Variants in CNOT4 observed in about 807,000 individuals in gnomAD.
CNOT4 encodes the protein CCR4-NOT transcription complex subunit 4.
In CNOT4, 8 loss-of-function variants were observed where a neutral mutation model predicts 73.8. That is an observed-to-expected ratio of 0.11 (90% CI 0.06 to 0.20). The LOEUF is 0.20. Ranked by LOEUF, CNOT4 falls within the 10% of genes least tolerant of loss-of-function variation. CNOT4 has a pLI of 1.00. For missense variants in CNOT4, 564 were observed against 883.4 expected (o/e 0.64, Z 4.58); for synonymous variants, 293 against 321.1 (o/e 0.91, Z 0.94).
chr7:135,378,993 A>AC (rs1428826220), intron 10 of CNOT4, among the ~76,000 whole-genome samples: 4 of 151,748 alleles, frequency 2.6e-5, no homozygotes, highest in Non-Finnish European at 5.9e-5. Context: ...TCAAAAAAAA[A>AC]AAAAAAAAGG....
chr7:135,398,172 C>T lies in CNOT4; in HGVS notation c.876G>A (p.Gln292=). ...SLSIGNGDNS[Q]QISNSDTPSP... The stretch of plus-strand genomic sequence containing the variant: ...TGATACTGTATTCAAATCTTACCTG[C>T]TGGGAATTATCACCGTTCCCTATAC... Residue 292 remains glutamine (Q), a synonymous_variant, in exon 8 of 12, where the codon CAG becomes CAA. Transcript: ENST00000541284. 1 of 1,521,036 alleles carries T rather than the reference C, an allele frequency of 6.6e-7. No individual in the cohort carries two copies. The highest frequency in any genetic ancestry group is 9.1e-7 in the Non-Finnish European group (1 of 1,096,326). 94.2% of individuals were successfully genotyped at this position (1,521,036 alleles called of 1,614,324 possible).
chr7:135,504,687 C>G (rs1364420632), intron 1 of CNOT4, among the ~76,000 whole-genome samples: 1 of 119,902 alleles, frequency 8.3e-6, no homozygotes, highest in Non-Finnish European at 1.7e-5. Flanking sequence ...GGGGTTTCAC[C>G]GTTTTAGCCG....
chr7:135,463,622 G>A (rs113176918), intron 1 of CNOT4, among the ~76,000 whole-genome samples: 12,890 of 149,854 alleles, frequency 0.086, 642 homozygotes, highest in East Asian at 0.16. Flanking sequence ...TGTAGGAACC[G>A]GCAAAGATTT....
At chr7:135,493,233 G>T (rs554736680) in intron 1 of CNOT4, among the ~76,000 whole-genome samples, 2 of 152,142 alleles carry the variant, frequency 1.3e-5, no homozygotes, top group South Asian at 4.2e-4. Context: ...GTCTCACTAC[G>T]TAGGCTAGGC....
intron 2 of CNOT4, among the ~76,000 whole-genome samples, chr7:135,430,314 G>T (rs919159615): frequency 6.6e-6 from 1 of 152,062 alleles, no homozygotes; most frequent in Non-Finnish European, 1.5e-5. Flanking sequence ...AATCAAGTGG[G>T]GTTTATCTTT....
At chr7:135,396,851 T>C (rs1331661694) in intron 8 of CNOT4, among the ~76,000 whole-genome samples, 2 of 152,166 alleles carry the variant, frequency 1.3e-5, no homozygotes, top group Non-Finnish European at 2.9e-5. Context: ...GTAACATTAA[T>C]CTAGAGATAC....
chr7:135,437,246 G>A (rs1197464095), intron 2 of CNOT4, among the ~76,000 whole-genome samples: 2 of 151,734 alleles, frequency 1.3e-5, no homozygotes, highest in Non-Finnish European at 2.9e-5. Flanking sequence ...CTGGAGTGCT[G>A]TGGCACGATC....
intron 2 of CNOT4, among the ~76,000 whole-genome samples, chr7:135,431,050 A>T (rs2129484969): frequency 6.6e-6 from 1 of 152,340 alleles, no homozygotes; most frequent in Admixed American, 6.5e-5. Context: ...AGGATGCTTG[A>T]GGCCAGGAGT....
chr7:135,437,894 G>C (rs1375327260), intron 2 of CNOT4, among the ~76,000 whole-genome samples: 2 of 151,782 alleles, frequency 1.3e-5, no homozygotes, highest in Non-Finnish European at 2.9e-5. Flanking sequence ...CTTTCTCCTC[G>C]GATAAAACAA....
intron 2 of CNOT4, among the ~76,000 whole-genome samples, chr7:135,435,262 A>T (rs1187252004): frequency 6.6e-6 from 1 of 152,132 alleles, no homozygotes; most frequent in African/African-American, 2.4e-5. Context: ...ATTTTCTTCT[A>T]TTAGTTCTTT....
At chr7:135,368,753 TG>T (rs1563008684) in intron 10 of CNOT4, among the ~76,000 whole-genome samples, 2 of 152,202 alleles carry the variant, frequency 1.3e-5, no homozygotes, top group Non-Finnish European at 2.9e-5. Context: ...CTAGTCCAAC[TG>T]TTTACTAGGA....
intron 2 of CNOT4, among the ~76,000 whole-genome samples, chr7:135,425,411 T>A (rs1798437000): frequency 6.6e-6 from 1 of 152,206 alleles, no homozygotes; most frequent in Non-Finnish European, 1.5e-5. Context: ...GGTTGCAATA[T>A]CAACTCTTAT....
intron 1 of CNOT4, among the ~76,000 whole-genome samples, chr7:135,453,809 TAA>T (rs570019698): frequency 0.022 from 2,762 of 127,460 alleles, 104 homozygotes; most frequent in African/African-American, 0.075. Flanking sequence ...TAAATATATA[TAA>T]TAAATATATA....
chr7:135,366,742 A>ATTCCT (rs1794939382), intron 10 of CNOT4, among the ~76,000 whole-genome samples: 2 of 152,238 alleles, frequency 1.3e-5, no homozygotes, highest in Admixed American at 1.3e-4. Context: ...ATCATATTCC[A>ATTCCT]TCTAGCTTAG....
chr7:135,393,965 T>C lies in CNOT4; in HGVS notation c.1580A>G (p.Asn527Ser), dbSNP rs1222101381. The change falls in exon 10 of 12, where the codon AAT (asparagine) becomes AGT (serine). Residue 527 changes from asparagine to serine, a missense_variant. By Grantham distance (46) the Asn-to-Ser change is conservative (BLOSUM62 1). Around this residue, in one of 10 missense-constraint regions of CNOT4, gnomAD observed 153 missense variants for 158.7 expected, o/e 0.96. Coordinates refer to ENST00000541284, the MANE Select transcript of CNOT4 (RefSeq NM_001190850.2). ...PTSNSNFLDL[N>S]LPPQHNTGLG... ...ACCTGTGTTGTGCTGTGGCGGGAGATTCAAGTCCAAGAAATTACTATTTGA... is the reference window on the plus strand; with the variant it reads ...ACCTGTGTTGTGCTGTGGCGGGAGACTCAAGTCCAAGAAATTACTATTTGA... 1.9e-6 allele frequency: 3 copies of C among 1,613,196 alleles called. No homozygotes were observed. Among genetic ancestry groups the C allele is most frequent in the Admixed American group, 1.7e-5 (1 of 60,002 alleles).
In CNOT4 at chr7:135,394,152, G is replaced by C. The variant is rs1796551931; in HGVS notation, c.1393C>G (p.Leu465Val). ...GGCAAGACTGAAAAGGTACTATTGA[G>C]AGAATTGGCATTTGTAGCTGCAGCA... ...HPAAATNANS[L>V]NSTFSVLPQR... is the part of the protein sequence containing the mutation. The change falls in exon 10 of 12, where the codon CTC becomes GTC. Residue 465 changes from leucine (L) to valine (V), a missense_variant. Coordinates refer to ENST00000541284, the MANE Select transcript of CNOT4 (RefSeq NM_001190850.2). The C allele has an allele frequency of 6.2e-7, 1 of 1,614,230 alleles. No individual in the cohort carries two copies. Among genetic ancestry groups the C allele is most frequent in the Non-Finnish European group, 8.5e-7 (1 of 1,180,036 alleles).
At chr7:135,502,160 A>C (rs1804015969) in intron 1 of CNOT4, among the ~76,000 whole-genome samples, 1 of 152,210 alleles carries the variant, frequency 6.6e-6, no homozygotes, top group Non-Finnish European at 1.5e-5. Context: ...ATTTCTGTCG[A>C]TTATAATTAT....
intron 1 of CNOT4, among the ~76,000 whole-genome samples, chr7:135,441,171 A>ATGTT (rs1799457545): frequency 6.6e-6 from 1 of 152,184 alleles, no homozygotes; most frequent in Non-Finnish European, 1.5e-5. Flanking sequence ...TTATTTCACA[A>ATGTT]AAGACAAAAC....
chr7:135,444,800 T>C, intron 1 of CNOT4: 2 of 1,601,870 alleles, frequency 1.2e-6, no homozygotes, highest in Non-Finnish European at 1.7e-6. Flanking sequence ...ACTATGTTCA[T>C]GGGGATGCCT....
Sources: gnomAD v4.1 joint callset for allele counts (sites outside exome capture counted in the v4.1 genomes callset) on GRCh38, gnomAD v4.1.1 for gene constraint, gnomAD v4.1.1 regional missense constraint, MANE v1.5 for transcripts, NCBI Gene and HGNC (gene_info 2026-07-23, HGNC 2026-07-21) for gene names.